PTPRD: variants seen among roughly 807,000 people sequenced by gnomAD.
PTPRD encodes protein tyrosine phosphatase receptor type D.
A neutral mutation model predicts 214.5 loss-of-function variants in PTPRD; 34 were observed. That is an observed-to-expected ratio of 0.16 (90% CI 0.12 to 0.21). The LOEUF (loss-of-function observed/expected upper bound fraction) is 0.21, where lower values mean the gene tolerates loss of function less well. Among genes scored for constraint, PTPRD ranks in the 10% least tolerant of loss-of-function variants. The probability of loss-of-function intolerance (pLI) is 1.00; values close to 1 mark genes in which losing one functional copy is unlikely to be tolerated. For missense variants in PTPRD, 2,545 were observed against 2,398.7 expected (o/e 1.06, Z -1.27); for synonymous variants, 1,128 against 845.7 (o/e 1.33, Z -5.79).
chr9:10,351,811 C>A (rs2097188138), intron 2 of PTPRD, among the ~76,000 whole-genome samples: 1 of 151,862 alleles, frequency 6.6e-6, no homozygotes, highest in African/African-American at 2.4e-5. Flanking sequence ...ATGTAGAGGC[C>A]TAGAACATAA....
At chr9:8,897,234 G>A (rs2098625192) in intron 11 of PTPRD, among the ~76,000 whole-genome samples, 2 of 152,158 alleles carry the variant, frequency 1.3e-5, no homozygotes, top group Non-Finnish European at 2.9e-5. Context: ...GTAAGTTGTA[G>A]ACACTCATCT....
In PTPRD at chr9:10,348,095, G is replaced by C. The variant is rs551933502; in HGVS notation, c.-599-7078C>G. Among the ~76,000 whole-genome samples the C allele has an allele frequency of 2.6e-5, 4 of 152,226 alleles. No homozygotes were observed. The South Asian group carries it at 8.3e-4, about 32-fold the overall frequency. ...GTACAATAGATTCTTGTGAACTATA[G>C]TCACACTATTTATCTATCAAGCACT... On this transcript the variant is annotated intron_variant, in intron 2 of 45. Transcript: ENST00000381196.
intron 12 of PTPRD, among the ~76,000 whole-genome samples, chr9:8,699,576 A>C (rs2098023477): frequency 6.6e-6 from 1 of 152,280 alleles, no homozygotes; most frequent in Middle Eastern, 3.4e-3. Context: ...GTTGAAATTA[A>C]AACCAAGTGT....
chr9:8,777,411 G>C (rs926382049), intron 11 of PTPRD, among the ~76,000 whole-genome samples: 2 of 152,164 alleles, frequency 1.3e-5, no homozygotes, highest in African/African-American at 2.4e-5. Context: ...ACTAGCAGTA[G>C]TTAACAGCAA....
chr9:9,994,277 T>C (rs895643362), intron 4 of PTPRD, among the ~76,000 whole-genome samples: 1 of 152,196 alleles, frequency 6.6e-6, no homozygotes, highest in African/African-American at 2.4e-5. Context: ...CCTCATTTGT[T>C]CCATCTTTTG....
intron 6 of PTPRD, among the ~76,000 whole-genome samples, chr9:9,750,933 G>A (rs1360724537): frequency 6.6e-6 from 1 of 152,022 alleles, no homozygotes; most frequent in African/African-American, 2.4e-5. Context: ...GCAGCCAGTT[G>A]GCTTCACATG....
At chr9:8,818,531 G>C (rs113355301) in intron 11 of PTPRD, among the ~76,000 whole-genome samples, 1 of 152,162 alleles carries the variant, frequency 6.6e-6, no homozygotes, top group Non-Finnish European at 1.5e-5. Flanking sequence ...TAATTAAGGT[G>C]AGGTTATTCT....
intron 4 of PTPRD, among the ~76,000 whole-genome samples, chr9:10,012,637 A>C (rs7860568): frequency 0.89 from 134,660 of 151,884 alleles, 60,412 homozygotes; most frequent in African/African-American, 0.98. Context: ...GTTACCCAAG[A>C]CTAGCACTGT....
At chr9:8,891,887 G>A (rs987448635) in intron 11 of PTPRD, among the ~76,000 whole-genome samples, 3 of 152,164 alleles carry the variant, frequency 2.0e-5, no homozygotes, top group East Asian at 3.9e-4. Context: ...CTAAATCAAC[G>A]TCTATGTCTC....
chr9:10,330,469 T>A (rs370802670), intron 3 of PTPRD, among the ~76,000 whole-genome samples: 3 of 151,824 alleles, frequency 2.0e-5, no homozygotes, highest in African/African-American at 4.8e-5. Flanking sequence ...CCCCAACACA[T>A]TTTTTGTTCC....
intron 39 of PTPRD, among the ~76,000 whole-genome samples, chr9:8,347,256 A>C (rs964648276): frequency 5.9e-5 from 9 of 152,102 alleles, no homozygotes; most frequent in Admixed American, 5.9e-4. Flanking sequence ...ACATATGACT[A>C]TGCTAAAGCA....
At chr9:10,008,225 C>T (rs761704697) in intron 4 of PTPRD, among the ~76,000 whole-genome samples, 7 of 151,934 alleles carry the variant, frequency 4.6e-5, no homozygotes, top group Non-Finnish European at 1.0e-4. Context: ...ACATACCTCA[C>T]TATATCCCCT....
At chr9:10,541,428 T>C (rs926274495) in intron 2 of PTPRD, among the ~76,000 whole-genome samples, 6 of 152,156 alleles carry the variant, frequency 3.9e-5, no homozygotes, top group Admixed American at 2.0e-4. Context: ...AAGGATTATA[T>C]GTTCCAAATT....
chr9:9,396,034 A>G (rs1357998517), intron 9 of PTPRD, among the ~76,000 whole-genome samples: 3 of 152,044 alleles, frequency 2.0e-5, no homozygotes, highest in Non-Finnish European at 2.9e-5. Flanking sequence ...ACTTTCTTCA[A>G]TCCTTTACAG....
intron 7 of PTPRD, among the ~76,000 whole-genome samples, chr9:9,584,357 ACC>A (rs770482159): frequency 0.23 from 33,843 of 149,364 alleles, 4,907 homozygotes; most frequent in Non-Finnish European, 0.31. Flanking sequence ...TTATTTCATC[ACC>A]ATTATTATTA....
At chr9:10,212,703 C>T (rs2099522892) in intron 3 of PTPRD, among the ~76,000 whole-genome samples, 1 of 152,106 alleles carries the variant, frequency 6.6e-6, no homozygotes, top group South Asian at 2.1e-4. Flanking sequence ...CCATTGAGAG[C>T]CTCTGTTCAA....
At chr9:9,382,286 C>A (rs528078487) in intron 9 of PTPRD, among the ~76,000 whole-genome samples, 17 of 152,094 alleles carry the variant, frequency 1.1e-4, no homozygotes, top group Non-Finnish European at 2.2e-4. Flanking sequence ...AGGGGAAAAA[C>A]TTCTTGACAT....
chr9:9,749,430 C>G (rs2098492814), intron 6 of PTPRD, among the ~76,000 whole-genome samples: 1 of 152,092 alleles, frequency 6.6e-6, no homozygotes, highest in East Asian at 1.9e-4. Flanking sequence ...TGAATTGATT[C>G]CAGGCTCAGG....
intron 8 of PTPRD, among the ~76,000 whole-genome samples, chr9:9,433,963 T>G (rs1195868399): frequency 6.6e-6 from 1 of 152,174 alleles, no homozygotes; most frequent in Non-Finnish European, 1.5e-5. Context: ...CTTTTTAACA[T>G]GATTCAGCTA....
Sources: gnomAD v4.1 joint callset for allele counts (sites outside exome capture counted in the v4.1 genomes callset) on GRCh38, gnomAD v4.1.1 for gene constraint, MANE v1.5 for transcripts, NCBI Gene and HGNC (gene_info 2026-07-23, HGNC 2026-07-21) for gene names.